PTPRM: variants seen among roughly 807,000 people sequenced by gnomAD.
PTPRM encodes receptor-type tyrosine-protein phosphatase mu.
A neutral mutation model predicts 186.7 loss-of-function variants in PTPRM; 47 were observed. That is an observed-to-expected ratio of 0.25 (90% CI 0.20 to 0.32). The LOEUF is 0.32. Among genes scored for constraint, PTPRM ranks in the 10% least tolerant of loss-of-function variants. The pLI, the probability that PTPRM is intolerant of heterozygous loss-of-function variation, is 1.00. For synonymous variants in PTPRM, 668 were observed against 674.9 expected, an observed-to-expected ratio of 0.99 and a Z score of 0.16; for missense variants, 1,494 against 1,865.0, an observed-to-expected ratio of 0.80 and a Z score of 3.66.
chr18:7,992,687 A>G lies in PTPRM; in HGVS notation c.1132+37273A>G, dbSNP rs141242160. ...GGTTCTGGGAAACTATGACTTTAAG[A>G]AAAACATTGTATATCAAAACCAATT... On this transcript the variant is annotated intron_variant, in intron 7 of 32. Coordinates refer to ENST00000580170, the MANE Select transcript of PTPRM (RefSeq NM_001105244.2). Among the ~76,000 whole-genome samples, 1,447 of 152,270 alleles carry G rather than the reference A, an allele frequency of 9.5e-3. 7 individuals are homozygous for G. Among genetic ancestry groups the G allele is most frequent in the South Asian group, 0.033 (161 of 4,832 alleles).
chr18:7,574,430 T>TA (rs2036636801), intron 1 of PTPRM, among the ~76,000 whole-genome samples: 1 of 152,250 alleles, frequency 6.6e-6, no homozygotes, highest in Admixed American at 6.5e-5. Flanking sequence ...CCAGTGTGCT[T>TA]ATTAGAATAT....
intron 1 of PTPRM, among the ~76,000 whole-genome samples, chr18:7,702,809 G>C (rs577617359): frequency 5.3e-4 from 81 of 152,278 alleles, no homozygotes; most frequent in African/African-American, 1.8e-3. Flanking sequence ...TTTGCTTCTA[G>C]GGTTTTTATG....
intron 5 of PTPRM, among the ~76,000 whole-genome samples, chr18:7,932,772 G>T: frequency 6.6e-6 from 1 of 152,024 alleles, no homozygotes; most frequent in East Asian, 1.9e-4. Flanking sequence ...TATAAGTAAT[G>T]CACCAGAATA....
intron 1 of PTPRM, among the ~76,000 whole-genome samples, chr18:7,740,541 C>T (rs912122338): frequency 6.6e-6 from 1 of 152,186 alleles, no homozygotes; most frequent in Non-Finnish European, 1.5e-5. Flanking sequence ...GCTTCAGCCT[C>T]TCCAGTAGCT....
chr18:7,748,138 C>G (rs780022276), intron 1 of PTPRM, among the ~76,000 whole-genome samples: 2 of 152,176 alleles, frequency 1.3e-5, no homozygotes. Context: ...GGGCTGTAGA[C>G]CAGAACTGTC....
At chr18:8,284,247 C>T (rs1392447196) in intron 19 of PTPRM, among the ~76,000 whole-genome samples, 5 of 152,156 alleles carry the variant, frequency 3.3e-5, no homozygotes, top group Non-Finnish European at 5.9e-5. Flanking sequence ...AAGCATGAAG[C>T]ATCTTACTTT....
chr18:8,347,872 C>T (rs2095513713), intron 23 of PTPRM, among the ~76,000 whole-genome samples: 1 of 152,162 alleles, frequency 6.6e-6, no homozygotes, highest in Admixed American at 6.5e-5. Flanking sequence ...GAAGAGGCCC[C>T]ACCTCATTGC....
chr18:8,024,196 T>A (rs1287156842), intron 7 of PTPRM, among the ~76,000 whole-genome samples: 1 of 152,178 alleles, frequency 6.6e-6, no homozygotes, highest in Admixed American at 6.5e-5. Flanking sequence ...AATTTCTGCT[T>A]CTTTTAGTAT....
intron 2 of PTPRM, among the ~76,000 whole-genome samples, chr18:7,842,947 T>TATATATATATATATATAGAG (rs370746043): frequency 6.8e-4 from 76 of 112,102 alleles, no homozygotes; most frequent in African/African-American, 3.0e-3. Flanking sequence ...TATATATATA[T>TATATATATATATATATAGAG]AGAGAGAGAG....
At chr18:8,207,782 A>G (rs1350387470) in intron 14 of PTPRM, among the ~76,000 whole-genome samples, 1 of 152,178 alleles carries the variant, frequency 6.6e-6, no homozygotes, top group Non-Finnish European at 1.5e-5. Flanking sequence ...AGACAGAAAA[A>G]ATAAAATAGG....
At chr18:8,103,853 G>A (rs1023326789) in intron 11 of PTPRM, among the ~76,000 whole-genome samples, 38 of 152,122 alleles carry the variant, frequency 2.5e-4, no homozygotes, top group Middle Eastern at 6.8e-3. Context: ...AATAATTTCC[G>A]GCTTTTAATT....
At chr18:7,749,240 C>T (rs1426029313) in intron 1 of PTPRM, 1 of 152,046 alleles carries the variant, frequency 6.6e-6, no homozygotes, top group Non-Finnish European at 1.5e-5. Flanking sequence ...GTTCTTCTCA[C>T]CCAACTGCAT....
intron 23 of PTPRM, among the ~76,000 whole-genome samples, chr18:8,358,870 C>T (rs1179671749): frequency 6.6e-6 from 1 of 151,966 alleles, no homozygotes; most frequent in Non-Finnish European, 1.5e-5. Context: ...TGAGTGCATA[C>T]GAAGGGAATT....
At chr18:8,255,541 A>G (rs1196871978) in intron 19 of PTPRM, among the ~76,000 whole-genome samples, 2 of 152,200 alleles carry the variant, frequency 1.3e-5, no homozygotes, top group East Asian at 3.8e-4. Context: ...ATTGCAGAAA[A>G]CTTTTTCTCA....
chr18:8,067,959 A>C (rs1156526114), intron 7 of PTPRM, among the ~76,000 whole-genome samples: 1 of 152,192 alleles, frequency 6.6e-6, no homozygotes. Flanking sequence ...AGTATCTTTA[A>C]TATCCTGATT....
rs1568383466 is a variant in PTPRM at position 8,126,008 on chromosome 18, TATATATA to T, written c.2167+11182_2167+11188del. Reference sequence around the variant, plus strand: ...ATATATATATATATATATATATATATATATATATATATATATATATTTTAAATCAGTA... The same window carrying T: ...ATATATATATATATATATATATATATTATATATATATATTTTAAATCAGTA... On this transcript the variant is annotated intron_variant, in intron 13 of 32. Transcript: ENST00000580170. Among the ~76,000 whole-genome samples the T allele has an allele frequency of 4.0e-3, 90 of 22,510 alleles. 2 individuals are homozygous for T. Among genetic ancestry groups the T allele is most frequent in the African/African-American group, 9.6e-3 (89 of 9,316 alleles). The allele number at this position is 22,510 out of a possible 152,430, so 14.8% of individuals were successfully genotyped here. A position where few individuals can be genotyped will look rare whatever the true frequency, so the allele number is the denominator to read the frequency against.
intron 29 of PTPRM, among the ~76,000 whole-genome samples, chr18:8,383,179 T>A (rs1207612253): frequency 6.6e-6 from 1 of 151,116 alleles, no homozygotes; most frequent in Non-Finnish European, 1.5e-5. Flanking sequence ...ATGCCTGTAG[T>A]CCCTACTACT....
At chr18:7,618,984 C>A (rs1026966977) in intron 1 of PTPRM, among the ~76,000 whole-genome samples, 2 of 151,992 alleles carry the variant, frequency 1.3e-5, no homozygotes, top group African/African-American at 4.8e-5. Flanking sequence ...CAGTTGCTTT[C>A]AAGCATGAAA....
intron 5 of PTPRM, chr18:7,946,976 C>T (rs944983089): frequency 4.4e-6 from 2 of 456,140 alleles, no homozygotes; most frequent in Non-Finnish European, 8.8e-6. Flanking sequence ...TCCCTCCATC[C>T]TGTGAGTTTT....
Sources: allele counts gnomAD v4.1 joint callset (sites outside exome capture counted in the v4.1 genomes callset), GRCh38; gene constraint gnomAD v4.1.1; transcripts MANE v1.5; gene names NCBI Gene and HGNC (gene_info 2026-07-23, HGNC 2026-07-21).